IDE: variants seen among roughly 807,000 people sequenced by gnomAD.
IDE encodes the protein insulin-degrading enzyme.
IDE carries 58 observed loss-of-function variants against 133.2 expected under a neutral mutation model. The ratio of observed to expected loss-of-function variants is 0.44; its 90% CI spans 0.35 to 0.54. IDE has a LOEUF of 0.54. Among genes scored for constraint, IDE ranks in the 20% least tolerant of loss-of-function variants. The pLI, the probability that IDE is intolerant of heterozygous loss-of-function variation, is 0.00. For missense variants in IDE, 981 were observed against 1,234.0 expected (o/e 0.79, Z 3.07); for synonymous variants, 396 against 421.3 (o/e 0.94, Z 0.73).
intron 4 of IDE, among the ~76,000 whole-genome samples, chr10:92,527,483 C>T (rs1849689529): frequency 6.6e-6 from 1 of 152,032 alleles, no homozygotes; most frequent in Non-Finnish European, 1.5e-5. Flanking sequence ...AAAAAACTTA[C>T]AGGACTTTCA....
intron 1 of IDE, among the ~76,000 whole-genome samples, chr10:92,542,824 T>C (rs1351229364): frequency 6.6e-6 from 1 of 152,226 alleles, no homozygotes; most frequent in African/African-American, 2.4e-5. Context: ...GTCAAGATCA[T>C]GGACTAAGAC....
At chr10:92,510,848 T>C (rs1399779374) in intron 5 of IDE, among the ~76,000 whole-genome samples, 1 of 150,816 alleles carries the variant, frequency 6.6e-6, no homozygotes, top group Non-Finnish European at 1.5e-5. Flanking sequence ...ATCACACATA[T>C]GATATATATC....
rs565839522 is a variant in IDE at position 92,494,519 on chromosome 10, G to A, written c.1431-3924C>T. The stretch of plus-strand genomic sequence containing the variant: ...CACTTTGGGAGGCCAAGGCGAGTGG[G>A]TCACTTAAGCCCTTGAGTTCAAGGC... On this transcript the variant is annotated intron_variant, in intron 11 of 24. Transcript: ENST00000265986. Among the ~76,000 whole-genome samples, 8 of 152,064 alleles carry A rather than the reference G, an allele frequency of 5.3e-5. No individual in the cohort carries two copies. In the South Asian group the frequency reaches 1.7e-3, roughly 32 times the overall value.
At chr10:92,536,352 C>T (rs1030971872) in intron 2 of IDE, among the ~76,000 whole-genome samples, 4 of 147,158 alleles carry the variant, frequency 2.7e-5, no homozygotes, top group Non-Finnish European at 5.9e-5. Flanking sequence ...CACTGCACTC[C>T]AGCCCGGACG....
chr10:92,573,679 G>A (rs1258319768), intron 1 of IDE, among the ~76,000 whole-genome samples: 3 of 152,212 alleles, frequency 2.0e-5, no homozygotes, highest in South Asian at 2.1e-4. Context: ...TAGCGGCCCC[G>A]GCCCCTCACC....
intron 21 of IDE, among the ~76,000 whole-genome samples, chr10:92,463,031 A>G (rs1314190980): frequency 6.6e-6 from 1 of 152,238 alleles, no homozygotes; most frequent in East Asian, 1.9e-4. Flanking sequence ...ACTGTACTCA[A>G]GCCTGGCTGA....
chr10:92,572,769 A>G (rs1295440342), intron 1 of IDE: 7 of 416,294 alleles, frequency 1.7e-5, no homozygotes, highest in Non-Finnish European at 2.3e-5. Context: ...CCCAACACAA[A>G]CTGCCCGCAT....
rs1379371134 is a variant in IDE, at chr10:92,556,166, C to T, written c.98+17756G>A. ...CCGCAGTCCGGCCTGGGTGACAGAGCGAGACTCCGTCTCAAAAAAAAAAAA... is the reference window on the plus strand; with the variant it reads ...CCGCAGTCCGGCCTGGGTGACAGAGTGAGACTCCGTCTCAAAAAAAAAAAA... On this transcript the variant is annotated intron_variant, in intron 1 of 24. Coordinates refer to ENST00000265986, the MANE Select transcript of IDE (RefSeq NM_004969.4). Among the ~76,000 whole-genome samples, 23 of 102,272 alleles carry T rather than the reference C, an allele frequency of 2.2e-4. No homozygotes were observed. In the East Asian group the frequency reaches 6.4e-3, roughly 29 times the overall value. 67.1% of individuals were successfully genotyped at this position (102,272 alleles called of 152,430 possible).
chr10:92,544,495 A>G (rs1842456062), intron 1 of IDE, among the ~76,000 whole-genome samples: 3 of 152,244 alleles, frequency 2.0e-5, no homozygotes, highest in African/African-American at 7.2e-5. Context: ...CCCAAGGGCA[A>G]GCTGATTGTG....
At position 92,508,771 on chromosome 10, in the gene IDE, C is replaced by A; in HGVS notation, c.1017G>T (p.Gly339=). 1 of 1,613,970 alleles carries A rather than the reference C, an allele frequency of 6.2e-7. No individual in the cohort carries two copies. Among genetic ancestry groups the A allele is most frequent in the Non-Finnish European group, 8.5e-7 (1 of 1,179,926 alleles). ...NPGHYLGHLI[G]HEGPGSLLSE... is the part of the protein sequence containing the mutation. ...ATAACAGACTTCCAGGACCTTCATG[C>A]CCAATGAGATGACCAAGATAATGAC... The change falls in exon 7 of 25, where the codon GGG becomes GGT. Residue 339 remains glycine (G), a synonymous_variant. Coordinates refer to ENST00000265986, the MANE Select transcript of IDE (RefSeq NM_004969.4).
intron 1 of IDE, among the ~76,000 whole-genome samples, chr10:92,551,462 G>A (rs893871373): frequency 6.6e-6 from 1 of 151,710 alleles, no homozygotes; most frequent in Non-Finnish European, 1.5e-5. Context: ...CAGATACTCA[G>A]GAGGCTGAGG....
At chr10:92,462,588 C>T (rs1462019857) in intron 21 of IDE, among the ~76,000 whole-genome samples, 1 of 151,944 alleles carries the variant, frequency 6.6e-6, no homozygotes, top group Non-Finnish European at 1.5e-5. Context: ...GCCTGGGCAA[C>T]AAGAGCGAAA....
At chr10:92,568,997 TAA>T (rs1349994815) in intron 1 of IDE, among the ~76,000 whole-genome samples, 1 of 151,838 alleles carries the variant, frequency 6.6e-6, no homozygotes, top group African/African-American at 2.4e-5. Flanking sequence ...CAATATTAAA[TAA>T]GAGAGTAAAA....
chr10:92,509,705 G>A (rs1345080421), intron 6 of IDE, among the ~76,000 whole-genome samples: 2 of 152,136 alleles, frequency 1.3e-5, no homozygotes, highest in Non-Finnish European at 2.9e-5. Context: ...TGGGCCACTT[G>A]AGATCAGGAG....
At chr10:92,505,300 T>A (rs1419601101) in intron 10 of IDE, among the ~76,000 whole-genome samples, 4 of 152,214 alleles carry the variant, frequency 2.6e-5, no homozygotes, top group Non-Finnish European at 5.9e-5. Flanking sequence ...AATTTCCTCC[T>A]AAATTTCTAT....
In IDE at chr10:92,510,063, T is replaced by C. The variant is rs756832605; in HGVS notation, c.884A>G (p.Glu295Gly). The C allele has an allele frequency of 4.5e-6, 7 of 1,572,504 alleles. No individual in the cohort carries two copies. In the African/African-American group the frequency reaches 8.1e-5, roughly 18 times the overall value. Reference sequence around the variant, plus strand: ...TTATGCACTTACTTTAAGATGTTCTTCTTGGAAAGGGTGTTCAGGAAATTC... The same window carrying C: ...TTATGCACTTACTTTAAGATGTTCTCCTTGGAAAGGGTGTTCAGGAAATTC... ...LPEFPEHPFQ[E>G]EHLKQLYKIV... The change falls in exon 6 of 25, where the codon GAA becomes GGA. Residue 295 changes from glutamate (E) to glycine (G), a missense_variant. By Grantham distance (98) the Glu-to-Gly change is moderately conservative. This residue lies in a region of IDE where 660 missense variants were observed against 894.7 expected (regional missense o/e 0.74). Transcript: ENST00000265986.
intron 2 of IDE, among the ~76,000 whole-genome samples, chr10:92,537,047 A>G (rs1842048382): frequency 6.6e-6 from 1 of 152,072 alleles, no homozygotes; most frequent in African/African-American, 2.4e-5. Context: ...AAAAAAAAAA[A>G]AGAAAAAGAA....
At chr10:92,461,133 A>AC in intron 22 of IDE, 58 bp downstream of exon 22, 2 of 846,588 alleles carry the variant, frequency 2.4e-6, no homozygotes, top group Non-Finnish European at 4.0e-6. Context: ...AGGCCGCCAT[A>AC]CCCAGCCCTA....
At chr10:92,569,787 C>A (rs1843705395) in intron 1 of IDE, among the ~76,000 whole-genome samples, 2 of 152,150 alleles carry the variant, frequency 1.3e-5, no homozygotes, top group South Asian at 4.1e-4. Context: ...GTGATGCCTT[C>A]CCTTCAGAAA....
Sources: allele counts gnomAD v4.1 joint callset (sites outside exome capture counted in the v4.1 genomes callset), GRCh38; gene constraint gnomAD v4.1.1; regional missense constraint gnomAD v4.1.1; transcripts MANE v1.5; gene names NCBI Gene and HGNC (gene_info 2026-07-23, HGNC 2026-07-21).